The following TTLL5 variants were observed in gnomAD, a reference collection of about 807,000 sequenced individuals.
TTLL5 encodes tubulin tyrosine ligase like 5.
In TTLL5, 132 loss-of-function variants were observed where a neutral mutation model predicts 168.4. The ratio of observed to expected loss-of-function variants is 0.78; its 90% CI spans 0.68 to 0.91. The LOEUF (loss-of-function observed/expected upper bound fraction) is 0.91. Ranked by LOEUF, TTLL5 falls within the 40% of genes least tolerant of loss-of-function variation. TTLL5 has a pLI of 0.00. For missense variants in TTLL5, 1,545 were observed against 1,581.5 expected (o/e 0.98, Z 0.39); for synonymous variants, 546 against 558.6 (o/e 0.98, Z 0.32).
intron 30 of TTLL5, among the ~76,000 whole-genome samples, chr14:75,883,319 A>G (rs2031919335): frequency 6.6e-6 from 1 of 152,254 alleles, no homozygotes; most frequent in Non-Finnish European, 1.5e-5. Flanking sequence ...TTTGTAGTCT[A>G]CCTGTTTACA....
chr14:75,813,284 G>A (rs947215454), intron 27 of TTLL5, among the ~76,000 whole-genome samples: 1 of 105,448 alleles, frequency 9.5e-6, no homozygotes, highest in Admixed American at 1.0e-4. Context: ...GTGTGTGTGT[G>A]TGTGTGTGTG....
chr14:75,721,089 C>G (rs535992987), intron 12 of TTLL5, among the ~76,000 whole-genome samples: 4 of 152,274 alleles, frequency 2.6e-5, no homozygotes, highest in East Asian at 3.9e-4. Context: ...GTGCTTTCTC[C>G]CATTTTCCGA....
intron 18 of TTLL5, among the ~76,000 whole-genome samples, chr14:75,754,182 C>T (rs1217878224): frequency 1.3e-5 from 2 of 152,044 alleles, no homozygotes; most frequent in Non-Finnish European, 2.9e-5. Context: ...TTTATTTTGG[C>T]AAGTGTGTTT....
intron 28 of TTLL5, 70 bp downstream of exon 28, chr14:75,820,231 C>T: frequency 6.9e-7 from 1 of 1,451,074 alleles, no homozygotes; most frequent in Non-Finnish European, 9.1e-7. Context: ...CAAGCCATTC[C>T]CACCTTGAGT....
intron 27 of TTLL5, among the ~76,000 whole-genome samples, chr14:75,806,647 T>A (rs1238895320): frequency 6.6e-6 from 1 of 151,862 alleles, no homozygotes; most frequent in Non-Finnish European, 1.5e-5. Context: ...ATATGCATAC[T>A]CTTTCACTCA....
At chr14:75,734,382 A>G (rs1488332841) in intron 14 of TTLL5, among the ~76,000 whole-genome samples, 1 of 152,178 alleles carries the variant, frequency 6.6e-6, no homozygotes, top group African/African-American at 2.4e-5. Flanking sequence ...GAGACTGGCT[A>G]TATTTCTGCT....
intron 3 of TTLL5, among the ~76,000 whole-genome samples, chr14:75,675,081 G>A (rs1296089704): frequency 2.0e-5 from 3 of 151,718 alleles, no homozygotes; most frequent in African/African-American, 7.3e-5. Flanking sequence ...CCTCCCCACA[G>A]GCAAATTGTT....
chr14:75,814,231 G>A (rs769793172), intron 27 of TTLL5, among the ~76,000 whole-genome samples: 15 of 152,214 alleles, frequency 9.9e-5, no homozygotes, highest in African/African-American at 2.4e-4. Flanking sequence ...AAAATGGTGA[G>A]CCAGTGATTG....
chr14:75,937,212 G>C (rs1332145298), intron 31 of TTLL5, among the ~76,000 whole-genome samples: 1 of 151,732 alleles, frequency 6.6e-6, no homozygotes, highest in Non-Finnish European at 1.5e-5. Flanking sequence ...CAACTCCCTG[G>C]TTCAAGCGAT....
At chr14:75,767,602 G>A (rs1247430529) in intron 20 of TTLL5, among the ~76,000 whole-genome samples, 2 of 152,188 alleles carry the variant, frequency 1.3e-5, no homozygotes, top group African/African-American at 4.8e-5. Context: ...ATTATATAAG[G>A]AGAAGAGCAT....
Position 75,782,528 on chromosome 14 carries a change from C to A in TTLL5, c.2557C>A (p.Pro853Thr). The A allele has an allele frequency of 2.5e-6, 4 of 1,613,746 alleles. No homozygotes were observed. Among genetic ancestry groups the A allele is most frequent in the Non-Finnish European group, 3.4e-6 (4 of 1,179,866 alleles). ...AATGGAAGAAGTGAAAATAAAGCCA[C>A]CTAAACAGCAACAGACGACAGAAAT... ...TIMEEVKIKPPKQQQTTEIHS... is the reference protein window; with the variant it reads ...TIMEEVKIKPTKQQQTTEIHS... Residue 853 changes from proline to threonine, a missense_variant, in exon 25 of 32, where the codon CCT becomes ACT. Coordinates refer to ENST00000298832, the MANE Select transcript of TTLL5 (RefSeq NM_015072.5).
At chr14:75,717,985 A>G in intron 10 of TTLL5, 23 bp downstream of exon 10, 1 of 1,604,990 alleles carries the variant, frequency 6.2e-7, no homozygotes, top group Non-Finnish European at 8.5e-7. Flanking sequence ...TCTGAGCCAG[A>G]AGTCAGAGGT....
intron 26 of TTLL5, among the ~76,000 whole-genome samples, chr14:75,786,918 A>T (rs1892399484): frequency 6.6e-6 from 1 of 152,178 alleles, no homozygotes; most frequent in Non-Finnish European, 1.5e-5. Context: ...AGATCGCTTG[A>T]GGTTAGGAGT....
Position 75,785,950 on chromosome 14 carries a change from T to A in TTLL5, c.2986+2420T>A, listed in dbSNP as rs949461340. On this transcript the variant is annotated intron_variant, in intron 26 of 31. Coordinates refer to ENST00000298832, the MANE Select transcript of TTLL5 (RefSeq NM_015072.5). ...ATAGGATTATTATCTGTGGATCAGT[T>A]TGGGGACTATCTTAACATCAGTCAA... 3.9e-5 allele frequency among the ~76,000 whole-genome samples: 6 copies of A among 152,176 alleles called. No individual in the cohort carries two copies. The East Asian group carries it at 9.6e-4, about 24-fold the overall frequency.
Position 75,690,215 on chromosome 14 carries a change from A to AC in TTLL5, c.397dup (p.Arg133ProfsTer30). The AC allele has an allele frequency of 6.2e-7, 1 of 1,613,612 alleles. No homozygotes were observed. The highest frequency in any genetic ancestry group is 1.1e-5 in the South Asian group (1 of 90,962). ...AGGTCTTATGAACTTACCCGGAAGG[A>AC]CCGACTGTACAAAAACATTATTCGA... On this transcript the variant is annotated frameshift_variant, in exon 6 of 32. Coordinates refer to ENST00000298832, the MANE Select transcript of TTLL5 (RefSeq NM_015072.5). LOFTEE classifies it high-confidence loss of function.
At chr14:75,765,313 T>C (rs1009204963) in intron 19 of TTLL5, among the ~76,000 whole-genome samples, 4 of 152,158 alleles carry the variant, frequency 2.6e-5, no homozygotes, top group Admixed American at 6.5e-5. Context: ...AAAAAAGATA[T>C]GGTCTCTGTC....
At chr14:75,765,801 G>A (rs1221616161) in intron 19 of TTLL5, among the ~76,000 whole-genome samples, 1 of 152,156 alleles carries the variant, frequency 6.6e-6, no homozygotes, top group African/African-American at 2.4e-5. Context: ...ATGTCGAGCT[G>A]TAATGAGCCG....
At chr14:75,726,882 C>G (rs1888218598) in intron 12 of TTLL5, among the ~76,000 whole-genome samples, 1 of 152,042 alleles carries the variant, frequency 6.6e-6, no homozygotes, top group South Asian at 2.1e-4. Flanking sequence ...TAACTTTTAT[C>G]ATAATTTAAT....
At chr14:75,857,768 C>T (rs1897208501) in intron 28 of TTLL5, among the ~76,000 whole-genome samples, 1 of 151,964 alleles carries the variant, frequency 6.6e-6, no homozygotes, top group African/African-American at 2.4e-5. Flanking sequence ...TCTCCTGCCT[C>T]AGCCTCCTGA....
Sources: allele counts gnomAD v4.1 joint callset (sites outside exome capture counted in the v4.1 genomes callset), GRCh38; gene constraint gnomAD v4.1.1; transcripts MANE v1.5; gene names NCBI Gene and HGNC (gene_info 2026-07-23, HGNC 2026-07-21).